SBF1: variants seen among roughly 807,000 people sequenced by gnomAD.
The protein encoded by SBF1 is myotubularin-related protein 5.
SBF1 carries 65 observed loss-of-function variants against 215.8 expected under a neutral mutation model. The ratio of observed to expected loss-of-function variants is 0.30; its 90% CI spans 0.25 to 0.37. The LOEUF is 0.37. Among genes scored for constraint, SBF1 ranks in the 10% least tolerant of loss-of-function variants. The pLI is 1.00. For synonymous variants in SBF1, 1,410 were observed against 1,122.8 expected (o/e 1.26, Z -5.11); for missense variants, 2,634 against 2,667.8 (o/e 0.99, Z 0.28).
chr22:50,458,198 G>A (rs886181649), intron 28 of SBF1, among the ~76,000 whole-genome samples: 13 of 152,114 alleles, frequency 8.5e-5, no homozygotes, highest in Admixed American at 2.6e-4. Context: ...CCAGCTACTC[G>A]GGAGGCTGAG....
intron 31 of SBF1, chr22:50,455,791 C>T (rs1303673545): frequency 1.7e-6 from 1 of 604,626 alleles, no homozygotes; most frequent in Non-Finnish European, 2.9e-6. Flanking sequence ...TCACAGCCCA[C>T]CCCCTTCCAA....
Position 50,461,606 on chromosome 22 carries a change from C to G in SBF1, c.2756G>C (p.Gly919Ala). Residue 919 changes from glycine (G) to alanine (A), a missense_variant, in exon 22 of 41, where the codon GGA becomes GCA. By Grantham distance (60) the Gly-to-Ala change is moderately conservative (BLOSUM62 0). Transcript: ENST00000380817. ...REEGAGGSAG[G>A]PALLPAEGAV... ...GCCCTCAGCTGGGAGCAATGCTGGTCCCCCAGCACTGCCCCCCGCGCCCTC... is the reference window on the plus strand; with the variant it reads ...GCCCTCAGCTGGGAGCAATGCTGGTGCCCCAGCACTGCCCCCCGCGCCCTC... 1 of 1,611,880 alleles carries G rather than the reference C, an allele frequency of 6.2e-7. No individual in the cohort carries two copies. The highest frequency in any genetic ancestry group is 8.5e-7 in the Non-Finnish European group (1 of 1,179,752).
chr22:50,466,819 TG>T, intron 5 of SBF1, 109 bp from the exon 6 acceptor site: 2 of 714,830 alleles, frequency 2.8e-6, no homozygotes, highest in Non-Finnish European at 4.6e-6. Flanking sequence ...AGACCCGAGG[TG>T]GGACTGGCTG....
intron 14 of SBF1, 40 bp downstream of exon 14, chr22:50,464,494 G>A (rs763865522): frequency 6.2e-7 from 1 of 1,601,972 alleles, no homozygotes; most frequent in Non-Finnish European, 8.5e-7. Context: ...CCCATCCTGG[G>A]CCACGCTCGG....
Position 50,464,401 on chromosome 22 carries a change from G to A in SBF1, c.1677C>T (p.Ser559=), listed in dbSNP as rs201649082. 4.6e-5 allele frequency: 75 copies of A among 1,613,972 alleles called. No homozygotes were observed. The highest frequency in any genetic ancestry group is 5.6e-5 in the Non-Finnish European group (66 of 1,180,036). ...TGCGCACAACCTCCAGCCGCCGGGC[G>A]CTGTTGACATGCAGCCCACTGCACC... is the stretch of plus-strand genomic sequence containing the variant. The part of the protein sequence containing the change: ...LERCSGLHVN[S]ARRLEVVRNC... The change falls in exon 15 of 41, where the codon AGC becomes AGT. Residue 559 remains serine (S), a synonymous_variant. Transcript: ENST00000380817.
intron 1 of SBF1, among the ~76,000 whole-genome samples, chr22:50,472,934 C>G (rs543670587): frequency 7.2e-5 from 11 of 152,292 alleles, no homozygotes; most frequent in Non-Finnish European, 1.5e-4. Context: ...AACCCTACTG[C>G]AGTGGACCAC....
intron 23 of SBF1, among the ~76,000 whole-genome samples, 161 bp from the exon 24 acceptor site, chr22:50,460,873 G>A (rs904214195): frequency 2.0e-5 from 3 of 152,214 alleles, no homozygotes; most frequent in Non-Finnish European, 2.9e-5. Flanking sequence ...AAGCGCTTGT[G>A]TAAACTCGAA....
rs2067242324 is a variant in SBF1 at position 50,456,270 on chromosome 22, C to T, written c.4212G>A (p.Glu1404=). 3 of 1,612,802 alleles carry T rather than the reference C, an allele frequency of 1.9e-6. No individual in the cohort carries two copies. Among genetic ancestry groups the T allele is most frequent in the Non-Finnish European group, 8.5e-7 (1 of 1,179,974 alleles). Residue 1404 remains glutamate, a synonymous_variant, in exon 31 of 41, where the codon GAG becomes GAA. Coordinates refer to ENST00000380817, the MANE Select transcript of SBF1 (RefSeq NM_002972.4). ...KACVPGCPAA[E]PSPASFLRSL... is the part of the protein sequence containing the mutation. ...AGCGCAGGAAGGAGGCTGGGCTGGG[C>T]TCAGCAGCGGGGCAGCCTGGGACAC...
At chr22:50,452,906 G>A (rs1349002669) in intron 36 of SBF1, among the ~76,000 whole-genome samples, 2 of 151,552 alleles carry the variant, frequency 1.3e-5, no homozygotes, top group African/African-American at 4.9e-5. Flanking sequence ...AGCAACCCCT[G>A]AAACACAACA....
chr22:50,461,446 G>A, intron 22 of SBF1, 77 bp downstream of exon 22: 2 of 1,507,190 alleles, frequency 1.3e-6, no homozygotes, highest in Non-Finnish European at 1.8e-6. Flanking sequence ...AAAAGGGAGA[G>A]GGAGGCAGGG....
chr22:50,454,055 G>A (rs2067150245), intron 36 of SBF1, among the ~76,000 whole-genome samples: 1 of 152,214 alleles, frequency 6.6e-6, no homozygotes, highest in Non-Finnish European at 1.5e-5. Context: ...GGATGGCACA[G>A]TGAGGGGTAA....
At position 50,462,566 on chromosome 22, in the gene SBF1, G is replaced by C. The variant is rs1336333621; in HGVS notation, c.2120C>G (p.Pro707Arg). The change falls in exon 18 of 41, where the codon CCC (proline) becomes CGC (arginine). Residue 707 changes from proline to arginine, a missense_variant. Transcript: ENST00000380817. ...CAGGGAGTCCCTGCGCACCTGGGCG[G>C]GGGCCAGGTCCTCCGTGGGCTCCAG... ...LYLEPTEDLA[P>R]AQEVGEAPSQ... The C allele has an allele frequency of 1.9e-6, 3 of 1,611,408 alleles. No homozygotes were observed. The highest frequency in any genetic ancestry group is 2.5e-6 in the Non-Finnish European group (3 of 1,179,390).
Position 50,454,681 on chromosome 22 carries a change from G to C in SBF1, c.4874C>G (p.Thr1625Arg), listed in dbSNP as rs756843805. 72 of 1,573,950 alleles carry C rather than the reference G, an allele frequency of 4.6e-5. No homozygotes were observed. The highest frequency in any genetic ancestry group is 1.7e-4 in the Admixed American group (9 of 54,498). The change falls in exon 36 of 41, where the codon ACG becomes AGG. Residue 1625 changes from threonine to arginine, a missense_variant. By Grantham distance (71) the Thr-to-Arg change is moderately conservative. Coordinates refer to ENST00000380817, the MANE Select transcript of SBF1 (RefSeq NM_002972.4). ...GTCATAGGGAGGGCCCTCGGCCAGC[G>C]TCTCCTCAGTGTAGAAGTCCCACAC... ...LKVWDFYTEE[T>R]LAEGPPYDWE...
chr22:50,447,901 C>A (rs1177200043), intron 38 of SBF1, among the ~76,000 whole-genome samples: 1 of 152,252 alleles, frequency 6.6e-6, no homozygotes, highest in Non-Finnish European at 1.5e-5. Flanking sequence ...GGGAAAGCAG[C>A]CCCCTACACA....
At chr22:50,457,788 C>T (rs1184159366) in intron 28 of SBF1, among the ~76,000 whole-genome samples, 3 of 152,224 alleles carry the variant, frequency 2.0e-5, no homozygotes, top group African/African-American at 7.2e-5. Context: ...GGCGCCTGGC[C>T]CTGCCCAGGC....
intron 16 of SBF1, 81 bp downstream of exon 16, chr22:50,463,202 C>G (rs1335345596): frequency 1.3e-6 from 2 of 1,557,924 alleles, no homozygotes; most frequent in Non-Finnish European, 1.8e-6. Context: ...TCTCTCCACT[C>G]TCACTCACAG....
At chr22:50,463,520 A>T in intron 15 of SBF1, 88 bp from the exon 16 acceptor site, 1 of 1,389,370 alleles carries the variant, frequency 7.2e-7, no homozygotes, top group South Asian at 1.5e-5. Flanking sequence ...TGTCCAGGAG[A>T]CCCAAATGCC....
Position 50,465,330 on chromosome 22 carries a change from T to C in SBF1, c.1090-2A>G. On this transcript the variant is annotated splice_acceptor_variant, in intron 10 of 40. Coordinates refer to ENST00000380817, the MANE Select transcript of SBF1 (RefSeq NM_002972.4). LOFTEE classifies it high-confidence loss of function. ...GAAGACCGCGCGCAGCTCCTTGTCC[T>C]GGGAGAAGAGCTGAGTGCAGGTGAG... is the stretch of plus-strand genomic sequence containing the variant. 6.3e-7 allele frequency: 1 copy of C among 1,577,634 alleles called. No individual in the cohort carries two copies. Among genetic ancestry groups the C allele is most frequent in the Non-Finnish European group, 8.6e-7 (1 of 1,162,056 alleles).
chr22:50,470,249 AG>A (rs1487232117), intron 1 of SBF1, among the ~76,000 whole-genome samples: 2 of 152,114 alleles, frequency 1.3e-5, no homozygotes, highest in Non-Finnish European at 2.9e-5. Flanking sequence ...AGGTGGAGGA[AG>A]GAAGAGGGGT....
Sources: gnomAD v4.1 joint callset for allele counts (sites outside exome capture counted in the v4.1 genomes callset) on GRCh38, gnomAD v4.1.1 for gene constraint, MANE v1.5 for transcripts, NCBI Gene and HGNC (gene_info 2026-07-23, HGNC 2026-07-21) for gene names.